Variants in TTBK1 observed in about 807,000 individuals in gnomAD.
The protein encoded by TTBK1 is tau tubulin kinase 1, also known as tau-tubulin kinase 1.
TTBK1 carries 34 observed loss-of-function variants against 108.5 expected under a neutral mutation model. That is an observed-to-expected ratio of 0.31 (90% CI 0.24 to 0.42). The LOEUF is 0.42. TTBK1 is among the 10% of genes least tolerant of loss of function. The pLI, the probability that TTBK1 is intolerant of heterozygous loss-of-function variation, is 1.00. For synonymous variants in TTBK1, 809 were observed against 795.1 expected (o/e 1.02, Z -0.29); for missense variants, 1,539 against 1,826.0 (o/e 0.84, Z 2.86).
intron 2 of TTBK1, among the ~76,000 whole-genome samples, chr6:43,251,365 C>T (rs1411685756): frequency 6.6e-6 from 1 of 152,228 alleles, no homozygotes; most frequent in Non-Finnish European, 1.5e-5. Flanking sequence ...TGGGAAGGTG[C>T]ACAGAGCGGA....
Position 43,259,655 on chromosome 6 carries a change from A to G in TTBK1, c.1373A>G (p.Glu458Gly). The change falls in exon 12 of 15, where the codon GAG (glutamate) becomes GGG (glycine). Residue 458 changes from glutamate (E) to glycine (G), a missense_variant. By Grantham distance (98) the Glu-to-Gly change is moderately conservative (BLOSUM62 -2). Around this residue, in one of 5 missense-constraint regions of TTBK1, gnomAD observed 277 missense variants for 332.4 expected, o/e 0.83. Coordinates refer to ENST00000259750, the MANE Select transcript of TTBK1 (RefSeq NM_032538.3). The surrounding 1 kb of genome is among the most constrained non-coding windows in gnomAD (Gnocchi z 6.7). ...CGCTACCGGAGGGTGAACAGCCCTGAGTCAGAAAGGCTGTCCACGGCGGAC... is the reference window on the plus strand; with the variant it reads ...CGCTACCGGAGGGTGAACAGCCCTGGGTCAGAAAGGCTGTCCACGGCGGAC... Reference protein sequence around the residue: ...SLRYRRVNSPESERLSTADGR... With the variant: ...SLRYRRVNSPGSERLSTADGR... 6.2e-7 allele frequency: 1 copy of G among 1,609,030 alleles called. No homozygotes were observed. Among genetic ancestry groups the G allele is most frequent in the Non-Finnish European group, 8.5e-7 (1 of 1,178,026 alleles).
chr6:43,257,019 G>A lies in TTBK1; in HGVS notation c.862-793G>A, dbSNP rs1193259725. Among the ~76,000 whole-genome samples, 1 of 152,158 alleles carries A rather than the reference G, an allele frequency of 6.6e-6. No individual in the cohort carries two copies. Among genetic ancestry groups the A allele is most frequent in the African/African-American group, 2.4e-5 (1 of 41,432 alleles). ...GTGTTCTGCCTGGGATCCACTACAC[G>A]CCAGGCACGATGCTGCATACTGTAG... On this transcript the variant is annotated intron_variant, in intron 9 of 14. Transcript: ENST00000259750. The surrounding 1 kb of genome is among the most constrained non-coding windows in gnomAD (Gnocchi z 4.5).
chr6:43,266,202 C>T (rs931857528), intron 13 of TTBK1, among the ~76,000 whole-genome samples: 6 of 152,204 alleles, frequency 3.9e-5, no homozygotes, highest in Non-Finnish European at 8.8e-5. Context: ...GTCAGCGGAG[C>T]TCGAGCTGTG....
At position 43,284,069 on chromosome 6, in the gene TTBK1, C is replaced by T. The variant is rs1316404901; in HGVS notation, c.3329C>T (p.Ser1110Leu). The change falls in exon 14 of 15, where the codon TCG (serine) becomes TTG (leucine). Residue 1110 changes from serine to leucine, a missense_variant. By Grantham distance (145) the Ser-to-Leu change is moderately radical. Coordinates refer to ENST00000259750, the MANE Select transcript of TTBK1 (RefSeq NM_032538.3). ...CTGTTGCGGCTGGCCTCAGGGGCCT[C>T]GTCCTCCTCCAGTGAGGAGCAGCGC... ...RLLLRLASGA[S>L]SSSSEEQRRA... is the part of the protein sequence containing the mutation. 1.0e-5 allele frequency: 16 copies of T among 1,538,816 alleles called. No individual in the cohort carries two copies. Among genetic ancestry groups the T allele is most frequent in the South Asian group, 5.9e-5 (5 of 84,686 alleles).
chr6:43,246,315 C>T (rs551862332), intron 1 of TTBK1, among the ~76,000 whole-genome samples: 1 of 152,350 alleles, frequency 6.6e-6, no homozygotes, highest in African/African-American at 2.4e-5. Context: ...GTCAGCAAGT[C>T]TTCCTGGCAT....
rs902878606 is a variant in TTBK1, at chr6:43,263,721, C to T, written c.1986+371C>T. On this transcript the variant is annotated intron_variant, in intron 13 of 14. Coordinates refer to ENST00000259750, the MANE Select transcript of TTBK1 (RefSeq NM_032538.3). The surrounding 1 kb of genome is among the most constrained non-coding windows in gnomAD (Gnocchi z 4.7). ...GCTGTGAGGTCAGCCCTGGGCCCTG[C>T]CACGGAGGGACTTGGGGCTATACTA... 6.6e-6 allele frequency among the ~76,000 whole-genome samples: 1 copy of T among 152,190 alleles called. No homozygotes were observed. The highest frequency in any genetic ancestry group is 1.5e-5 in the Non-Finnish European group (1 of 68,028).
intron 1 of TTBK1, among the ~76,000 whole-genome samples, chr6:43,245,943 G>C (rs1175052413): frequency 1.3e-5 from 2 of 152,176 alleles, no homozygotes; most frequent in Non-Finnish European, 2.9e-5. Context: ...TCCATCACCT[G>C]TGTTCACCCC....
Position 43,285,333 on chromosome 6 carries a change from A to G in TTBK1, c.3923A>G (p.Lys1308Arg). ...CTCCAGGCTCAGCGCGCAACAACCAAAGGCCGGGCAGGAGGCGCGGAGGGC... is the reference window on the plus strand; with the variant it reads ...CTCCAGGCTCAGCGCGCAACAACCAGAGGCCGGGCAGGAGGCGCGGAGGGC... ...GKLQAQRATT[K>R]GRAGGAEGRA... Residue 1308 changes from lysine to arginine, a missense_variant, in exon 15 of 15, where the codon AAA becomes AGA. By Grantham distance (26) the Lys-to-Arg change is conservative. Transcript: ENST00000259750. The surrounding 1 kb of genome is among the most constrained non-coding windows in gnomAD (Gnocchi z 4.7). 1.6e-6 allele frequency: 2 copies of G among 1,282,044 alleles called. No individual in the cohort carries two copies. 79.4% of individuals were successfully genotyped at this position (1,282,044 alleles called of 1,614,324 possible). A position where few individuals can be genotyped will look rare whatever the true frequency, so the allele number is the denominator to read the frequency against.
At chr6:43,258,098 G>A (rs148921085) in intron 10 of TTBK1, 132 bp downstream of exon 10, 3 of 1,081,040 alleles carry the variant, frequency 2.8e-6, no homozygotes, top group African/African-American at 3.2e-5. Context: ...GGAGTTCTGG[G>A]ACTTTGGGAA....
chr6:43,271,182 T>A, intron 13 of TTBK1: 2 of 985,468 alleles, frequency 2.0e-6, no homozygotes. Context: ...GCCGTGCCTG[T>A]ATGGGGAGGG....
chr6:43,255,004 G>A, intron 6 of TTBK1, 45 bp from the exon 7 acceptor site: 11 of 1,591,906 alleles, frequency 6.9e-6, no homozygotes, highest in Non-Finnish European at 9.5e-6. Context: ...GGTGGCTGAG[G>A]TGAGGGCATG....
At position 43,285,482 on chromosome 6, in the gene TTBK1, C is replaced by A; in HGVS notation, c.*106C>A. The A allele has an allele frequency of 8.2e-7, 1 of 1,218,932 alleles. No individual in the cohort carries two copies. Among genetic ancestry groups the A allele is most frequent in the Non-Finnish European group, 1.0e-6 (1 of 979,006 alleles). The allele number at this position is 1,218,932 out of a possible 1,614,324, so 75.5% of individuals were successfully genotyped here. A position where few individuals can be genotyped will look rare whatever the true frequency, so the allele number is the denominator to read the frequency against. The stretch of plus-strand genomic sequence containing the variant: ...CACAGCCTTACGCGCCCGACGCGCG[C>A]CACCCGCGGCCCCAGCTTTCCGCCT... On this transcript the variant is annotated 3_prime_UTR_variant, in exon 15 of 15. Coordinates refer to ENST00000259750, the MANE Select transcript of TTBK1 (RefSeq NM_032538.3). The surrounding 1 kb of genome is among the most constrained non-coding windows in gnomAD (Gnocchi z 4.7).
At chr6:43,266,107 G>C (rs1777670777) in intron 13 of TTBK1, among the ~76,000 whole-genome samples, 1 of 152,160 alleles carries the variant, frequency 6.6e-6, no homozygotes. Context: ...TGTCTTTGGG[G>C]GTGAGGTGTT....
intron 13 of TTBK1, among the ~76,000 whole-genome samples, chr6:43,278,150 G>A (rs768019146): frequency 6.6e-6 from 1 of 152,148 alleles, no homozygotes; most frequent in Middle Eastern, 3.2e-3. Context: ...GTGGAGCCCC[G>A]TCTCCAGTGT....
At position 43,276,022 on chromosome 6, in the gene TTBK1, C is replaced by G. The variant is rs1777979339; in HGVS notation, c.1987-6705C>G. 1.3e-5 allele frequency among the ~76,000 whole-genome samples: 2 copies of G among 151,944 alleles called. No homozygotes were observed. The highest frequency in any genetic ancestry group is 2.9e-5 in the Non-Finnish European group (2 of 67,972). Reference sequence around the variant, plus strand: ...GCACCGGGGCCCAGCTGAGCCCCTTCCTGCGTAAGGAGACGCCTTCTAATT... The same window carrying G: ...GCACCGGGGCCCAGCTGAGCCCCTTGCTGCGTAAGGAGACGCCTTCTAATT... On this transcript the variant is annotated intron_variant, in intron 13 of 14. Transcript: ENST00000259750. The surrounding 1 kb of genome is among the most constrained non-coding windows in gnomAD (Gnocchi z 5.4).
chr6:43,273,219 G>T lies in TTBK1; in HGVS notation c.1987-9508G>T, dbSNP rs1271160518. Among the ~76,000 whole-genome samples, 1 of 152,192 alleles carries T rather than the reference G, an allele frequency of 6.6e-6. No individual in the cohort carries two copies. The highest frequency in any genetic ancestry group is 2.4e-5 in the African/African-American group (1 of 41,436). On this transcript the variant is annotated intron_variant, in intron 13 of 14. Coordinates refer to ENST00000259750, the MANE Select transcript of TTBK1 (RefSeq NM_032538.3). The surrounding 1 kb of genome is among the most constrained non-coding windows in gnomAD (Gnocchi z 4.2). ...TCTGAGGTCTTGTTTGACAGAGTTTGTGAAACATCTTGGTCTATGTATTGG... is the reference window on the plus strand; with the variant it reads ...TCTGAGGTCTTGTTTGACAGAGTTTTTGAAACATCTTGGTCTATGTATTGG...
At chr6:43,246,914 A>AT (rs1777105182) in intron 2 of TTBK1, 146 bp downstream of exon 2, 2 of 602,334 alleles carry the variant, frequency 3.3e-6, no homozygotes, top group South Asian at 4.6e-5. Flanking sequence ...GCATGTCATT[A>AT]TTTTTGCCAA....
Position 43,257,987 on chromosome 6 carries a change from C to G in TTBK1, c.1016+21C>G. On this transcript the variant is annotated intron_variant, in intron 10 of 14. Transcript: ENST00000259750. This position sits in a 1 kb window ranked among gnomAD's most constrained non-coding sequence, Gnocchi z 4.5. The stretch of plus-strand genomic sequence containing the variant: ...TTTGGGTGAGTCTCAGGAAGGCGAG[C>G]CACCAGCCCCTGCCTGGAGCTGTTA... 2 of 1,605,784 alleles carry G rather than the reference C, an allele frequency of 1.2e-6. No individual in the cohort carries two copies. Among genetic ancestry groups the G allele is most frequent in the Non-Finnish European group, 1.7e-6 (2 of 1,176,566 alleles).
At position 43,286,790 on chromosome 6, in the gene TTBK1, G is replaced by A. The variant is rs1252475330; in HGVS notation, c.*1414G>A. The A allele has an allele frequency of 2.0e-5, 3 of 152,424 alleles. No individual in the cohort carries two copies. The highest frequency in any genetic ancestry group is 7.2e-5 in the African/African-American group (3 of 41,444). The allele number at this position is 152,424 out of a possible 1,614,324, so 9.4% of individuals were successfully genotyped here. ...TCATGAGCCTCAACTGCCTACATCT[G>A]GGGCAAGCAGCACACCGGCTGCAGA... On this transcript the variant is annotated 3_prime_UTR_variant, in exon 15 of 15. Coordinates refer to ENST00000259750, the MANE Select transcript of TTBK1 (RefSeq NM_032538.3). The surrounding 1 kb of genome is among the most constrained non-coding windows in gnomAD (Gnocchi z 4.6).
Sources: gnomAD v4.1 joint callset for allele counts (sites outside exome capture counted in the v4.1 genomes callset) on GRCh38, gnomAD v4.1.1 for gene constraint, gnomAD v4.1.1 regional missense constraint, Gnocchi (gnomAD v3.1) non-coding constraint, MANE v1.5 for transcripts, NCBI Gene and HGNC (gene_info 2026-07-23, HGNC 2026-07-21) for gene names.